Variants in CCDC3 observed in about 807,000 individuals in gnomAD.
CCDC3 encodes the protein coiled-coil domain-containing protein 3.
CCDC3 carries 24 observed loss-of-function variants against 21.4 expected under a neutral mutation model. The ratio of observed to expected loss-of-function variants is 1.12; its 90% CI spans 0.81 to 1.58. The LOEUF is 1.58. CCDC3 is among the 40% of genes most tolerant of loss of function. The pLI, the probability that CCDC3 is intolerant of heterozygous loss-of-function variation, is 0.00. For missense variants in CCDC3, 425 were observed against 360.9 expected, an observed-to-expected ratio of 1.18 and a Z score of -1.44; for synonymous variants, 186 against 166.0, an observed-to-expected ratio of 1.12 and a Z score of -0.93.
At chr10:13,041,511 T>G (rs59156443) in intron 5 of CCDC3, among the ~76,000 whole-genome samples, 39 of 30,068 alleles carry the variant, frequency 1.3e-3, no homozygotes, top group African/African-American at 2.7e-3. Flanking sequence ...ATAATTTTTT[T>G]TTTTTTTTTT....
intron 2 of CCDC3, among the ~76,000 whole-genome samples, chr10:12,933,161 G>A (rs538134056): frequency 1.3e-5 from 2 of 152,238 alleles, no homozygotes; most frequent in Admixed American, 1.3e-4. Context: ...GGGAGTGCTG[G>A]CTTGTAGAAT....
intron 5 of CCDC3, among the ~76,000 whole-genome samples, chr10:13,015,088 T>C (rs574025231): frequency 6.6e-6 from 1 of 152,232 alleles, no homozygotes; most frequent in South Asian, 2.1e-4. Context: ...TAACGTTAAG[T>C]GAAAGAAGAG....
chr10:12,985,069 T>G (rs1835566486), intron 2 of CCDC3, among the ~76,000 whole-genome samples: 1 of 152,196 alleles, frequency 6.6e-6, no homozygotes, highest in African/African-American at 2.4e-5. Context: ...AGCTATAGAT[T>G]TTTTTTACTC....
chr10:12,928,030 C>G (rs1834573237), intron 2 of CCDC3, among the ~76,000 whole-genome samples: 1 of 152,200 alleles, frequency 6.6e-6, no homozygotes, highest in African/African-American at 2.4e-5. Flanking sequence ...GCTGGGGCAT[C>G]TGGGAGTTGT....
intron 2 of CCDC3, among the ~76,000 whole-genome samples, chr10:12,918,121 C>T (rs1286408618): frequency 6.6e-6 from 1 of 152,130 alleles, no homozygotes; most frequent in Non-Finnish European, 1.5e-5. Context: ...CTTCCCTACC[C>T]ATCTGTATTA....
intron 5 of CCDC3, among the ~76,000 whole-genome samples, chr10:13,047,742 A>G (rs900658379): frequency 1.1e-4 from 17 of 152,070 alleles, no homozygotes; most frequent in African/African-American, 4.1e-4. Context: ...GGCCTCTCTA[A>G]AGCTCTCCAG....
intron 2 of CCDC3, among the ~76,000 whole-genome samples, chr10:12,903,322 AGAG>A (rs1201919001): frequency 6.6e-6 from 1 of 152,274 alleles, no homozygotes; most frequent in Non-Finnish European, 1.5e-5. Context: ...AAGAATTTCT[AGAG>A]GAGAGCTGTG....
At chr10:13,031,391 C>G (rs2131411495) in intron 5 of CCDC3, among the ~76,000 whole-genome samples, 1 of 152,086 alleles carries the variant, frequency 6.6e-6, no homozygotes, top group South Asian at 2.1e-4. Flanking sequence ...CAAAAGAAAG[C>G]AGGAAAGATC....
In CCDC3 at chr10:12,951,546, C is replaced by T. The variant is rs1835008163; in HGVS notation, c.549+46792G>A. Among the ~76,000 whole-genome samples the T allele has an allele frequency of 4.6e-5, 7 of 152,070 alleles. No homozygotes were observed. The South Asian group carries it at 1.5e-3, about 32-fold the overall frequency. Reference sequence around the variant, plus strand: ...TTTTGTGACACTCTGTGGCTCACGCCTGTAATCCCAGCACTTTGGGAGGCT... The same window carrying T: ...TTTTGTGACACTCTGTGGCTCACGCTTGTAATCCCAGCACTTTGGGAGGCT... On this transcript the variant is annotated intron_variant, in intron 2 of 2. Transcript: ENST00000378825.
chr10:12,922,215 G>C (rs1463617785), intron 2 of CCDC3, among the ~76,000 whole-genome samples: 1 of 152,174 alleles, frequency 6.6e-6, no homozygotes, highest in Non-Finnish European at 1.5e-5. Context: ...TTACATGAGT[G>C]CCGTGTTTGT....
chr10:12,923,185 A>G (rs1482777620), intron 2 of CCDC3, among the ~76,000 whole-genome samples: 3 of 152,142 alleles, frequency 2.0e-5, no homozygotes, highest in African/African-American at 7.2e-5. Context: ...CTAGAAGGGA[A>G]AGTAATCTCT....
intron 2 of CCDC3, among the ~76,000 whole-genome samples, chr10:12,917,492 G>A (rs747850282): frequency 3.2e-4 from 49 of 152,134 alleles, no homozygotes; most frequent in Non-Finnish European, 4.9e-4. Context: ...CACTGCGCCC[G>A]GCCAGAAATG....
intron 3 of CCDC3, among the ~76,000 whole-genome samples, chr10:13,081,537 A>G (rs1358687465): frequency 6.6e-6 from 1 of 152,222 alleles, no homozygotes; most frequent in African/African-American, 2.4e-5. Flanking sequence ...TTCCAGGGTC[A>G]AGCCCTACCA....
intron 4 of CCDC3, among the ~76,000 whole-genome samples, chr10:13,073,673 G>C (rs923510348): frequency 2.1e-4 from 32 of 152,042 alleles, no homozygotes; most frequent in African/African-American, 5.8e-4. Context: ...TTTTTGTAGA[G>C]ACAGGGTTTC....
At chr10:13,041,064 T>C (rs760718486) in intron 5 of CCDC3, among the ~76,000 whole-genome samples, 1 of 152,148 alleles carries the variant, frequency 6.6e-6, no homozygotes, top group Non-Finnish European at 1.5e-5. Context: ...AAACACTGAG[T>C]AATTATTTTT....
intron 3 of CCDC3, among the ~76,000 whole-genome samples, chr10:13,084,538 C>T (rs575587146): frequency 1.6e-3 from 245 of 152,246 alleles, no homozygotes; most frequent in African/African-American, 5.5e-3. Flanking sequence ...CCACTCGCCT[C>T]GGCCTCCCAA....
At chr10:13,046,052 C>T (rs1188066031) in intron 5 of CCDC3, among the ~76,000 whole-genome samples, 3 of 152,132 alleles carry the variant, frequency 2.0e-5, no homozygotes, top group Non-Finnish European at 4.4e-5. Context: ...GATCGTGCCA[C>T]TGGACTCCAG....
intron 3 of CCDC3, among the ~76,000 whole-genome samples, chr10:13,074,305 G>T (rs1261010760): frequency 6.9e-6 from 1 of 144,374 alleles, no homozygotes; most frequent in Non-Finnish European, 1.5e-5. Context: ...TTACAGGCAT[G>T]CACCACCATA....
chr10:13,040,302 G>A (rs1298350794), intron 5 of CCDC3, among the ~76,000 whole-genome samples: 3 of 152,136 alleles, frequency 2.0e-5, no homozygotes, highest in Admixed American at 6.6e-5. Flanking sequence ...TTGTGACACC[G>A]TCCCCTATGT....
Sources: gnomAD v4.1 joint callset for allele counts (sites outside exome capture counted in the v4.1 genomes callset) on GRCh38, gnomAD v4.1.1 for gene constraint, MANE v1.5 for transcripts, NCBI Gene and HGNC (gene_info 2026-07-23, HGNC 2026-07-21) for gene names.